The following ACVR1C variants were observed in gnomAD, a reference collection of about 807,000 sequenced individuals.
ACVR1C encodes the protein activin receptor type-1C.
Under a neutral mutation model 57.9 loss-of-function variants are expected in ACVR1C, and 23 were observed. The ratio of observed to expected loss-of-function variants is 0.40; its 90% CI spans 0.29 to 0.56. The LOEUF is 0.56. ACVR1C is among the 20% of genes least tolerant of loss of function. The pLI is 0.50. For missense variants in ACVR1C, 480 were observed against 607.9 expected, an observed-to-expected ratio of 0.79 and a Z score of 2.21; for synonymous variants, 214 against 215.3, an observed-to-expected ratio of 0.99 and a Z score of 0.05.
At chr2:157,576,600 G>A (rs900613467) in intron 2 of ACVR1C, among the ~76,000 whole-genome samples, 8 of 152,168 alleles carry the variant, frequency 5.3e-5, no homozygotes, top group Non-Finnish European at 1.5e-5. Context: ...GGCTCCCAGA[G>A]TATCATTTCC....
At chr2:157,580,344 C>A (rs1487834761) in intron 2 of ACVR1C, among the ~76,000 whole-genome samples, 2 of 151,998 alleles carry the variant, frequency 1.3e-5, no homozygotes, top group East Asian at 1.9e-4. Context: ...CATAAAAAAT[C>A]TTTTTTTCTA....
intron 2 of ACVR1C, among the ~76,000 whole-genome samples, chr2:157,581,228 C>CTT (rs1416181841): frequency 1.3e-5 from 2 of 151,898 alleles, no homozygotes; most frequent in Non-Finnish European, 2.9e-5. Flanking sequence ...CATTAAAAAA[C>CTT]ACAAGGAAAG....
At chr2:157,562,340 A>T (rs980149444) in intron 2 of ACVR1C, among the ~76,000 whole-genome samples, 1 of 146,714 alleles carries the variant, frequency 6.8e-6, no homozygotes, top group Non-Finnish European at 1.5e-5. Flanking sequence ...CATATATTAT[A>T]TGGAAAACTT....
intron 1 of ACVR1C, among the ~76,000 whole-genome samples, chr2:157,620,679 CA>C (rs1682752961): frequency 6.6e-6 from 1 of 152,008 alleles, no homozygotes; most frequent in South Asian, 2.1e-4. Flanking sequence ...TACATGTATA[CA>C]GTGTCCAATG....
chr2:157,596,714 C>A (rs533964118), intron 1 of ACVR1C, among the ~76,000 whole-genome samples: 20 of 152,142 alleles, frequency 1.3e-4, no homozygotes, highest in Non-Finnish European at 1.9e-4. Context: ...AGCTAATATA[C>A]AAATCTCCTT....
chr2:157,541,343 TA>T, intron 6 of ACVR1C, 129 bp from the exon 7 acceptor site: 3 of 889,806 alleles, frequency 3.4e-6, no homozygotes, highest in Non-Finnish European at 4.8e-6. Flanking sequence ...AGAATAAAAT[TA>T]AAGAATAATT....
At chr2:157,615,551 T>C (rs1177274665) in intron 1 of ACVR1C, among the ~76,000 whole-genome samples, 1 of 152,082 alleles carries the variant, frequency 6.6e-6, no homozygotes, top group Non-Finnish European at 1.5e-5. Flanking sequence ...ATTTTTTTCA[T>C]TTTTTGTAAA....
intron 2 of ACVR1C, among the ~76,000 whole-genome samples, chr2:157,562,530 A>G (rs531860453): frequency 2.7e-5 from 4 of 150,938 alleles, no homozygotes; most frequent in Non-Finnish European, 4.4e-5. Flanking sequence ...AAAAAAGCCC[A>G]GGACCAGACG....
chr2:157,534,739 T>C (rs1687438858), intron 8 of ACVR1C, among the ~76,000 whole-genome samples: 1 of 151,920 alleles, frequency 6.6e-6, no homozygotes. Context: ...ACCAGAGAAA[T>C]ACAGGAAAAC....
intron 2 of ACVR1C, among the ~76,000 whole-genome samples, chr2:157,559,263 T>C (rs1688180323): frequency 6.6e-6 from 1 of 152,204 alleles, no homozygotes. Context: ...TTTACCGATA[T>C]GAGTCAGTAA....
chr2:157,576,830 A>ATTTTTTT (rs1688665585), intron 2 of ACVR1C, among the ~76,000 whole-genome samples: 1 of 68,304 alleles, frequency 1.5e-5, no homozygotes, highest in African/African-American at 7.2e-5. Context: ...GGGCTTTGAA[A>ATTTTTTT]TTTTCTTTTT....
At chr2:157,542,136 T>C (rs1185171514) in intron 6 of ACVR1C, among the ~76,000 whole-genome samples, 1 of 152,166 alleles carries the variant, frequency 6.6e-6, no homozygotes, top group African/African-American at 2.4e-5. Flanking sequence ...ATTCATATTA[T>C]CTTAATACAT....
At chr2:157,598,656 C>T (rs1192243347) in intron 1 of ACVR1C, among the ~76,000 whole-genome samples, 1 of 151,734 alleles carries the variant, frequency 6.6e-6, no homozygotes, top group East Asian at 1.9e-4. Context: ...TCTCCTGCCT[C>T]AGCCTTCCGA....
chr2:157,565,936 G>A (rs979457552), intron 2 of ACVR1C, among the ~76,000 whole-genome samples: 1 of 152,116 alleles, frequency 6.6e-6, no homozygotes, highest in Non-Finnish European at 1.5e-5. Flanking sequence ...CTTGGATTAA[G>A]GAATATAATC....
At chr2:157,565,587 A>G (rs2105234389) in intron 2 of ACVR1C, among the ~76,000 whole-genome samples, 1 of 152,340 alleles carries the variant, frequency 6.6e-6, no homozygotes, top group South Asian at 2.1e-4. Context: ...AAGATTTTCT[A>G]ATCCAGAGAT....
At chr2:157,595,268 G>A (rs975484847) in intron 1 of ACVR1C, among the ~76,000 whole-genome samples, 1 of 152,174 alleles carries the variant, frequency 6.6e-6, no homozygotes, top group African/African-American at 2.4e-5. Context: ...GGAAGGCAAG[G>A]CATGAGTGGG....
rs999322152 is a variant in ACVR1C at position 157,531,221 on chromosome 2, C to T, written c.*2697G>A. On this transcript the variant is annotated 3_prime_UTR_variant, in exon 9 of 9. Transcript: ENST00000243349. The stretch of plus-strand genomic sequence containing the variant: ...TCATCATCCTATTTTTGTAAGTGAG[C>T]ATGTTCTATATATAATCCTGTTAAG... 6.6e-6 allele frequency: 1 copy of T among 152,016 alleles called. No individual in the cohort carries two copies. Among genetic ancestry groups the T allele is most frequent in the South Asian group, 2.1e-4 (1 of 4,824 alleles). The allele number at this position is 152,016 out of a possible 1,614,324, so 9.4% of individuals were successfully genotyped here.
chr2:157,621,536 G>C (rs371862535), intron 1 of ACVR1C, among the ~76,000 whole-genome samples: 31 of 152,230 alleles, frequency 2.0e-4, no homozygotes, highest in African/African-American at 7.2e-4. Flanking sequence ...AGCTTTCAAA[G>C]AACAAGAAAA....
intron 2 of ACVR1C, among the ~76,000 whole-genome samples, chr2:157,556,748 C>G (rs1285428394): frequency 6.7e-6 from 1 of 149,870 alleles, no homozygotes; most frequent in African/African-American, 2.5e-5. Flanking sequence ...ACTGTAACCT[C>G]CACCTCCTAG....
Sources: allele counts gnomAD v4.1 joint callset (sites outside exome capture counted in the v4.1 genomes callset), GRCh38; gene constraint gnomAD v4.1.1; transcripts MANE v1.5; gene names NCBI Gene and HGNC (gene_info 2026-07-23, HGNC 2026-07-21).